The following RIMBP2 variants were observed in gnomAD, a reference collection of about 807,000 sequenced individuals.
RIMBP2 encodes the protein RIMS-binding protein 2.
A neutral mutation model predicts 118.6 loss-of-function variants in RIMBP2; 48 were observed. The observed-to-expected ratio is 0.40, with a 90% confidence interval of 0.32 to 0.51. RIMBP2 has a LOEUF of 0.51. Among genes scored for constraint, RIMBP2 ranks in the 20% least tolerant of loss-of-function variants. The pLI, the probability that RIMBP2 is intolerant of heterozygous loss-of-function variation, is 0.41. For synonymous variants in RIMBP2, 762 were observed against 742.9 expected (o/e 1.03, Z -0.42); for missense variants, 1,551 against 1,768.3 (o/e 0.88, Z 2.20).
In RIMBP2 at chr12:130,406,173, TAATAA is replaced by T; in HGVS notation, c.3759_3763del (p.Phe1253LeufsTer21). On this transcript the variant is annotated frameshift_variant and splice_region_variant, in exon 21 of 23. Transcript: ENST00000690449. LOFTEE classifies it high-confidence loss of function. ...CTTCTTGATATTTCAAAAACTTACA[TAATAA>T]AATCCATCTTCATCAATTTCACCAA... 1 of 1,526,404 alleles carries T rather than the reference TAATAA, an allele frequency of 6.6e-7. No individual in the cohort carries two copies. The highest frequency in any genetic ancestry group is 9.1e-7 in the Non-Finnish European group (1 of 1,103,976). The allele number at this position is 1,526,404 out of a possible 1,614,324, so 94.6% of individuals were successfully genotyped here. A position where few individuals can be genotyped will look rare whatever the true frequency, so the allele number is the denominator to read the frequency against.
chr12:130,447,532 G>T lies in RIMBP2; in HGVS notation c.582-2263C>A, dbSNP rs1025572942. 1.3e-5 allele frequency among the ~76,000 whole-genome samples: 2 copies of T among 152,150 alleles called. No homozygotes were observed. The highest frequency in any genetic ancestry group is 4.8e-5 in the African/African-American group (2 of 41,430). On this transcript the variant is annotated intron_variant, in intron 9 of 22. Transcript: ENST00000690449. This position sits in a 1 kb window ranked among gnomAD's most constrained non-coding sequence, Gnocchi z 4.4. ...TGATGGGAATGGGTTCTTGAGGGGC[G>T]ATGGGAGACGAGGGACAGGTGATCA...
chr12:130,702,947 G>C (rs546828274), intron 1 of RIMBP2, among the ~76,000 whole-genome samples: 1 of 152,236 alleles, frequency 6.6e-6, no homozygotes, highest in Admixed American at 6.5e-5. Context: ...GCCTCAACAG[G>C]GGTTGAGAGC....
chr12:130,496,633 A>G (rs565258057), intron 4 of RIMBP2, among the ~76,000 whole-genome samples: 22 of 150,578 alleles, frequency 1.5e-4, no homozygotes, highest in Middle Eastern at 3.4e-3. Context: ...GCCCCCTTCT[A>G]TGTCGGGCCC....
At chr12:130,437,521 G>T (rs914491973) in intron 12 of RIMBP2, among the ~76,000 whole-genome samples, 3 of 152,198 alleles carry the variant, frequency 2.0e-5, no homozygotes, top group Non-Finnish European at 4.4e-5. Context: ...AGAGGGTTCC[G>T]TCAGGCCAGT....
At chr12:130,615,303 A>C (rs2060859673) in intron 2 of RIMBP2, among the ~76,000 whole-genome samples, 1 of 144,412 alleles carries the variant, frequency 6.9e-6, no homozygotes, top group Admixed American at 7.0e-5. Context: ...ATATGTGTAC[A>C]CACAAACATA....
At chr12:130,474,676 G>C (rs2081285828) in intron 5 of RIMBP2, among the ~76,000 whole-genome samples, 2 of 152,298 alleles carry the variant, frequency 1.3e-5, no homozygotes, top group African/African-American at 4.8e-5. Flanking sequence ...TGTCGATAAG[G>C]GTCCCCAAGA....
At chr12:130,470,780 C>A (rs1267993622) in intron 5 of RIMBP2, 37 bp from the exon 6 acceptor site, 4 of 1,184,104 alleles carry the variant, frequency 3.4e-6, no homozygotes, top group South Asian at 4.3e-5. Context: ...GAGTAAATGT[C>A]CAAAGGGGAA....
intron 2 of RIMBP2, among the ~76,000 whole-genome samples, chr12:130,624,694 A>G (rs1296662023): frequency 6.6e-6 from 1 of 152,110 alleles, no homozygotes; most frequent in Non-Finnish European, 1.5e-5. Flanking sequence ...TTTTTCTTTT[A>G]CTGTACTGAT....
intron 4 of RIMBP2, among the ~76,000 whole-genome samples, chr12:130,480,331 T>C (rs1212410876): frequency 6.6e-6 from 1 of 152,042 alleles, no homozygotes; most frequent in Admixed American, 6.5e-5. Flanking sequence ...CACGCATGCC[T>C]CCAGGAAAGG....
intron 2 of RIMBP2, among the ~76,000 whole-genome samples, chr12:130,528,874 A>G (rs2139284423): frequency 6.6e-6 from 1 of 152,344 alleles, no homozygotes; most frequent in East Asian, 1.9e-4. Context: ...AAAATGGTGC[A>G]GCCACTGCAG....
At chr12:130,577,472 C>T (rs1455298196) in intron 2 of RIMBP2, among the ~76,000 whole-genome samples, 1 of 152,114 alleles carries the variant, frequency 6.6e-6, no homozygotes, top group Non-Finnish European at 1.5e-5. Flanking sequence ...GGAAGCAAAG[C>T]ACATGTTACA....
intron 11 of RIMBP2, among the ~76,000 whole-genome samples, chr12:130,439,403 GTA>G (rs1213130118): frequency 6.7e-6 from 1 of 150,364 alleles, no homozygotes. Flanking sequence ...GCATGTGTAT[GTA>G]TATATGTGTA....
chr12:130,602,141 A>C (rs372097818), intron 2 of RIMBP2, among the ~76,000 whole-genome samples: 1 of 152,128 alleles, frequency 6.6e-6, no homozygotes, highest in African/African-American at 2.4e-5. Flanking sequence ...TCTACTAAAA[A>C]ATACAAAAAA....
chr12:130,416,487 T>G (rs1260469470), intron 17 of RIMBP2, among the ~76,000 whole-genome samples: 1 of 152,212 alleles, frequency 6.6e-6, no homozygotes, highest in Non-Finnish European at 1.5e-5. Context: ...GACTCCCCAT[T>G]CAATAAATGC....
At chr12:130,613,962 T>A (rs1186915623) in intron 2 of RIMBP2, among the ~76,000 whole-genome samples, 3 of 151,890 alleles carry the variant, frequency 2.0e-5, no homozygotes, top group African/African-American at 7.3e-5. Context: ...GGGAGGCAGG[T>A]CCTTTCAGCC....
chr12:130,481,932 C>T (rs55774750), intron 4 of RIMBP2, among the ~76,000 whole-genome samples: 74,139 of 150,212 alleles, frequency 0.49, 20,694 homozygotes, highest in Non-Finnish European at 0.62. Flanking sequence ...ACCCCCCAAG[C>T]CGCCACCACC....
intron 2 of RIMBP2, among the ~76,000 whole-genome samples, chr12:130,585,138 A>G (rs892916548): frequency 2.6e-5 from 4 of 151,988 alleles, no homozygotes; most frequent in South Asian, 2.1e-4. Flanking sequence ...GATCCTCTTG[A>G]CTTGGCCTCT....
chr12:130,616,387 T>A (rs939006669), intron 2 of RIMBP2, among the ~76,000 whole-genome samples: 4 of 152,134 alleles, frequency 2.6e-5, no homozygotes, highest in African/African-American at 9.7e-5. Context: ...TCATCTTCTC[T>A]GACTGTTGCC....
chr12:130,426,331 G>A (rs970230992), intron 15 of RIMBP2: 4 of 150,596 alleles, frequency 2.7e-5, no homozygotes. Flanking sequence ...CCAGTCTGGA[G>A]TGCAATGGCG....
Sources: allele counts gnomAD v4.1 joint callset (sites outside exome capture counted in the v4.1 genomes callset), GRCh38; gene constraint gnomAD v4.1.1; non-coding constraint Gnocchi (gnomAD v3.1); transcripts MANE v1.5; gene names NCBI Gene and HGNC (gene_info 2026-07-23, HGNC 2026-07-21).